Variants in HUNK observed in about 807,000 individuals in gnomAD.
HUNK encodes the protein hormonally up-regulated neu tumor-associated kinase.
Under a neutral mutation model 61.0 loss-of-function variants are expected in HUNK, and 21 were observed. That is an observed-to-expected ratio of 0.34 (90% CI 0.24 to 0.50). HUNK has a LOEUF of 0.50. Among genes scored for constraint, HUNK ranks in the 20% least tolerant of loss-of-function variants. The probability of loss-of-function intolerance (pLI) is 0.98; values close to 1 mark genes in which losing one functional copy is unlikely to be tolerated. For synonymous variants in HUNK, 371 were observed against 386.1 expected (o/e 0.96, Z 0.46); for missense variants, 772 against 945.7 (o/e 0.82, Z 2.41).
At chr21:31,979,244 G>T (rs938676800) in intron 7 of HUNK, among the ~76,000 whole-genome samples, 3 of 151,688 alleles carry the variant, frequency 2.0e-5, no homozygotes, top group African/African-American at 7.3e-5. Context: ...TCAGTCTCCT[G>T]AGTAGCTGGG....
intron 7 of HUNK, among the ~76,000 whole-genome samples, chr21:31,980,889 AG>A (rs2053093389): frequency 6.6e-6 from 1 of 152,120 alleles, no homozygotes; most frequent in Non-Finnish European, 1.5e-5. Context: ...TTTTTAGTAG[AG>A]ATGGGGTTTC....
intron 10 of HUNK, 70 bp downstream of exon 10, chr21:31,996,018 G>A: frequency 8.4e-7 from 1 of 1,185,654 alleles, no homozygotes; most frequent in East Asian, 2.4e-5. Flanking sequence ...AGCCCTCACA[G>A]GGGATGGTCG....
intron 6 of HUNK, among the ~76,000 whole-genome samples, chr21:31,972,674 C>A (rs779961942): frequency 2.6e-5 from 4 of 152,192 alleles, no homozygotes; most frequent in African/African-American, 9.7e-5. Context: ...TTTTAATAAA[C>A]AAACTTGTTA....
intron 1 of HUNK, among the ~76,000 whole-genome samples, chr21:31,888,782 A>G (rs2052366473): frequency 6.6e-6 from 1 of 152,108 alleles, no homozygotes; most frequent in Non-Finnish European, 1.5e-5. Flanking sequence ...ATGCAAAAAA[A>G]AAGGGGGTTG....
chr21:31,891,497 C>T (rs552004246), intron 1 of HUNK, among the ~76,000 whole-genome samples: 3 of 152,346 alleles, frequency 2.0e-5, no homozygotes, highest in Non-Finnish European at 1.5e-5. Flanking sequence ...GAGCAGGTTA[C>T]ATTTAATAAT....
chr21:31,958,468 T>G (rs1271257667), intron 4 of HUNK, among the ~76,000 whole-genome samples: 1 of 151,940 alleles, frequency 6.6e-6, no homozygotes, highest in East Asian at 1.9e-4. Flanking sequence ...CTGGCTAATT[T>G]TTGTATTTTT....
chr21:31,944,227 G>C (rs1435903986), intron 3 of HUNK, among the ~76,000 whole-genome samples: 1 of 152,180 alleles, frequency 6.6e-6, no homozygotes, highest in African/African-American at 2.4e-5. Flanking sequence ...CAACAGGTGT[G>C]CGCCTCCGCG....
chr21:31,942,965 G>T (rs898775025), intron 3 of HUNK, among the ~76,000 whole-genome samples: 1 of 152,140 alleles, frequency 6.6e-6, no homozygotes, highest in Non-Finnish European at 1.5e-5. Flanking sequence ...AGAGATGAAG[G>T]CCCAGTGTGT....
intron 4 of HUNK, among the ~76,000 whole-genome samples, chr21:31,957,193 T>A (rs892532815): frequency 1.2e-4 from 19 of 152,210 alleles, no homozygotes; most frequent in African/African-American, 4.6e-4. Context: ...TCTATTTGTT[T>A]GCACGTTGCT....
chr21:31,890,315 G>C lies in HUNK; in HGVS notation c.261+16380G>C, dbSNP rs1175081754. On this transcript the variant is annotated intron_variant, in intron 1 of 10. Coordinates refer to ENST00000270112, the MANE Select transcript of HUNK (RefSeq NM_014586.2). ...ACAGTCTCGGCTCGCTGCAACCTCT[G>C]TCTCCCGGGTTCAAGCGATTCTCCT... Among the ~76,000 whole-genome samples, 5 of 151,148 alleles carry C rather than the reference G, an allele frequency of 3.3e-5. No individual in the cohort carries two copies. In the East Asian group the frequency reaches 9.7e-4, roughly 29 times the overall value.
At chr21:31,944,044 C>T (rs1315005540) in intron 3 of HUNK, among the ~76,000 whole-genome samples, 2 of 152,172 alleles carry the variant, frequency 1.3e-5, no homozygotes, top group Admixed American at 6.5e-5. Context: ...CGTCAAACAA[C>T]CCTCCAATTT....
rs753304313 is a variant in HUNK, at chr21:31,968,359, G to A, written c.984G>A (p.Val328=). ...TTAATGAGAATTACACGGGCAAAGTGCCCTGTAATGTCACCTATCCCAACA... is the reference window on the plus strand; with the variant it reads ...TTAATGAGAATTACACGGGCAAAGTACCCTGTAATGTCACCTATCCCAACA... ...RWLNENYTGK[V]PCNVTYPNRI... Residue 328 remains valine, a synonymous_variant, in exon 6 of 11, where the codon GTG becomes GTA. Transcript: ENST00000270112. 6.2e-7 allele frequency: 1 copy of A among 1,614,120 alleles called. No homozygotes were observed. Among genetic ancestry groups the A allele is most frequent in the Non-Finnish European group, 8.5e-7 (1 of 1,180,054 alleles).
chr21:31,935,179 G>GT (rs1319396867), intron 2 of HUNK, among the ~76,000 whole-genome samples: 1 of 152,168 alleles, frequency 6.6e-6, no homozygotes, highest in Non-Finnish European at 1.5e-5. Context: ...CTTGGTTGTA[G>GT]TTGTACCATT....
intron 2 of HUNK, among the ~76,000 whole-genome samples, chr21:31,932,193 C>A (rs1312529638): frequency 6.6e-6 from 1 of 152,234 alleles, no homozygotes; most frequent in African/African-American, 2.4e-5. Flanking sequence ...TAAACACACA[C>A]ACACACTCCT....
Position 31,940,227 on chromosome 21 carries a change from C to CTT in HUNK, c.610+20_610+21dup, listed in dbSNP as rs74265539. On this transcript the variant is annotated splice_region_variant and intron_variant, in intron 3 of 10. Transcript: ENST00000270112. ...AATAATATCAAGCTGATTGGTATGA[C>CTT]TTTTTTTTTTTTTTAAGCAAAAGTA... is the stretch of plus-strand genomic sequence containing the variant. The CTT allele has an allele frequency of 6.1e-4, 787 of 1,297,044 alleles. 2 individuals carry two copies. Among genetic ancestry groups the CTT allele is most frequent in the African/African-American group, 4.9e-3 (308 of 62,886 alleles). The allele number at this position is 1,297,044 out of a possible 1,614,324, so 80.3% of individuals were successfully genotyped here.
intron 2 of HUNK, among the ~76,000 whole-genome samples, chr21:31,932,090 C>T (rs577193934): frequency 4.6e-5 from 7 of 152,360 alleles, no homozygotes; most frequent in South Asian, 4.1e-4. Context: ...CTCTCCCCCA[C>T]GTGCATGCAC....
At chr21:31,990,305 G>A in intron 9 of HUNK, 129 bp downstream of exon 9, 1 of 876,262 alleles carries the variant, frequency 1.1e-6, no homozygotes, top group Non-Finnish European at 1.8e-6. Context: ...TTTTGTGGGG[G>A]TTGGCTGGAA....
intron 1 of HUNK, among the ~76,000 whole-genome samples, chr21:31,898,129 C>T (rs1363659976): frequency 1.3e-5 from 2 of 152,062 alleles, no homozygotes; most frequent in Non-Finnish European, 2.9e-5. Context: ...AGGAGAAGGC[C>T]GAGAGGTGAG....
intron 1 of HUNK, among the ~76,000 whole-genome samples, chr21:31,881,948 C>G (rs1441506504): frequency 6.6e-6 from 1 of 152,144 alleles, no homozygotes; most frequent in Non-Finnish European, 1.5e-5. Context: ...TGAAAGCTCA[C>G]TTTATATGTA....
Sources: gnomAD v4.1 joint callset for allele counts (sites outside exome capture counted in the v4.1 genomes callset) on GRCh38, gnomAD v4.1.1 for gene constraint, MANE v1.5 for transcripts, NCBI Gene and HGNC (gene_info 2026-07-23, HGNC 2026-07-21) for gene names.